TP63: variants seen among roughly 807,000 people sequenced by gnomAD.
The protein encoded by TP63 is tumor protein 63.
A neutral mutation model predicts 82.8 loss-of-function variants in TP63; 17 were observed. That is an observed-to-expected ratio of 0.21 (90% CI 0.14 to 0.31). TP63 has a LOEUF of 0.31. TP63 is among the 10% of genes least tolerant of loss of function. TP63 has a pLI of 1.00. For synonymous variants in TP63, 330 were observed against 321.7 expected, an observed-to-expected ratio of 1.03 and a Z score of -0.28; for missense variants, 648 against 895.3, an observed-to-expected ratio of 0.72 and a Z score of 3.52.
Position 189,631,710 on chromosome 3 carries a change from G to A in TP63, c.62+133G>A. 4 of 1,578,688 alleles carry A rather than the reference G, an allele frequency of 2.5e-6. No homozygotes were observed. In the South Asian group the frequency reaches 4.5e-5, roughly 18 times the overall value. On this transcript the variant is annotated intron_variant, in intron 1 of 13. Transcript: ENST00000264731. Reference sequence around the variant, plus strand: ...ACAGTGATATTATTTTGGACTTTCTGTGGACTTAAAGTGGTCTGTGGACAT... The same window carrying A: ...ACAGTGATATTATTTTGGACTTTCTATGGACTTAAAGTGGTCTGTGGACAT...
chr3:189,697,130 T>A (rs889824390), intron 1 of TP63, among the ~76,000 whole-genome samples: 7 of 151,990 alleles, frequency 4.6e-5, no homozygotes, highest in African/African-American at 1.7e-4. Flanking sequence ...TTTCCCATAT[T>A]TTCTTCCAGA....
chr3:189,721,424 C>T (rs1236187834), intron 1 of TP63, among the ~76,000 whole-genome samples: 2 of 151,398 alleles, frequency 1.3e-5, no homozygotes, highest in African/African-American at 4.9e-5. Flanking sequence ...CCCGTAGTTA[C>T]CTGGCTAGTT....
intron 3 of TP63, among the ~76,000 whole-genome samples, chr3:189,806,129 C>T (rs1054907458): frequency 7.3e-6 from 1 of 136,824 alleles, no homozygotes; most frequent in Non-Finnish European, 1.5e-5. Context: ...TGTTTGCTCA[C>T]TGGCTTTTAA....
chr3:189,736,521 A>G (rs1720606436), intron 1 of TP63, among the ~76,000 whole-genome samples: 2 of 152,076 alleles, frequency 1.3e-5, no homozygotes, highest in Admixed American at 6.6e-5. Flanking sequence ...GTGTTTTCGT[A>G]GTGCTGTCTA....
intron 1 of TP63, among the ~76,000 whole-genome samples, chr3:189,703,008 G>T (rs972795919): frequency 6.6e-6 from 1 of 152,152 alleles, no homozygotes; most frequent in East Asian, 1.9e-4. Context: ...TGCAAGGTAG[G>T]TGCCATTGTC....
intron 1 of TP63, among the ~76,000 whole-genome samples, chr3:189,723,906 C>T (rs960139058): frequency 6.6e-6 from 1 of 152,062 alleles, no homozygotes; most frequent in Non-Finnish European, 1.5e-5. Flanking sequence ...ATAGTGTGCA[C>T]CCTCAGGATT....
chr3:189,879,980 A>G (rs1719725153), intron 10 of TP63: 1 of 1,544,648 alleles, frequency 6.5e-7, no homozygotes, highest in Non-Finnish European at 8.7e-7. Flanking sequence ...TGAAGGTATA[A>G]GGAGTGTGTT....
chr3:189,856,738 C>G (rs1716339476), intron 4 of TP63, among the ~76,000 whole-genome samples: 1 of 151,606 alleles, frequency 6.6e-6, no homozygotes, highest in African/African-American at 2.4e-5. Flanking sequence ...GCATTAGAAA[C>G]AAAAAGAAAT....
chr3:189,808,159 C>A, intron 3 of TP63, 113 bp from the exon 4 acceptor site: 2 of 1,567,904 alleles, frequency 1.3e-6, no homozygotes, highest in Non-Finnish European at 1.8e-6. Context: ...ATGTGAAGTG[C>A]TTCCGACGTG....
At chr3:189,787,079 G>T (rs1323811667) in intron 3 of TP63, among the ~76,000 whole-genome samples, 6 of 152,006 alleles carry the variant, frequency 3.9e-5, no homozygotes, top group Admixed American at 6.6e-5. Context: ...AAATCTACAT[G>T]AACTATTAGC....
At chr3:189,826,831 A>G (rs1325958575) in intron 4 of TP63, among the ~76,000 whole-genome samples, 1 of 152,212 alleles carries the variant, frequency 6.6e-6, no homozygotes, top group Non-Finnish European at 1.5e-5. Context: ...TGAAGGCCCC[A>G]TACTATGAGG....
Position 189,748,491 on chromosome 3 carries a change from C to G in TP63, c.324+9717C>G, listed in dbSNP as rs1351670510. On this transcript the variant is annotated intron_variant, in intron 3 of 13. Coordinates refer to ENST00000264731, the MANE Select transcript of TP63 (RefSeq NM_003722.5). ...AAATTTAACCAAGAAGGCAAAATAT[C>G]TCTACAAGGAAAACTACAAAAAAAA... Among the ~76,000 whole-genome samples the G allele has an allele frequency of 4.7e-5, 3 of 64,038 alleles. No individual in the cohort carries two copies. In the East Asian group the frequency reaches 1.8e-3, roughly 38 times the overall value. The allele number at this position is 64,038 out of a possible 152,430, so 42.0% of individuals were successfully genotyped here.
intron 3 of TP63, among the ~76,000 whole-genome samples, chr3:189,807,891 C>T (rs1209534446): frequency 1.3e-5 from 2 of 152,268 alleles, no homozygotes; most frequent in South Asian, 4.1e-4. Flanking sequence ...TGTAACACGC[C>T]CCAACCCCCA....
rs375046870 is a variant in TP63, at chr3:189,773,832, T to A, written c.325-34440T>A. On this transcript the variant is annotated intron_variant, in intron 3 of 13. Transcript: ENST00000264731. ...ACCCATGCTGTCTCTGGCCTTTCAC[T>A]CCATCATTATAATATGCAAGTGACT... Among the ~76,000 whole-genome samples, 89 of 150,920 alleles carry A rather than the reference T, an allele frequency of 5.9e-4. No homozygotes were observed. In the East Asian group the frequency reaches 0.016, roughly 28 times the overall value.
At chr3:189,768,882 A>G (rs1476217992) in intron 3 of TP63, among the ~76,000 whole-genome samples, 1 of 152,180 alleles carries the variant, frequency 6.6e-6, no homozygotes, top group Non-Finnish European at 1.5e-5. Context: ...GACATTTACA[A>G]GAAGTATAGG....
chr3:189,627,475 T>C (rs1191828394), upstream of TP63, among the ~76,000 whole-genome samples: 2 of 152,198 alleles, frequency 1.3e-5, no homozygotes, highest in Non-Finnish European at 2.9e-5. Context: ...TGTGATATTC[T>C]AGCATTGTAT....
At chr3:189,618,729 A>T in the TP63 span, among the ~76,000 whole-genome samples, 1 of 152,140 alleles carries the variant, frequency 6.6e-6, no homozygotes, top group African/African-American at 2.4e-5. Context: ...GTGAATCTTG[A>T]TGACCTTCGA....
At chr3:189,617,778 A>T in the TP63 span, among the ~76,000 whole-genome samples, 9 of 152,248 alleles carry the variant, frequency 5.9e-5, no homozygotes, top group Non-Finnish European at 1.2e-4. Flanking sequence ...TCCAAAGGCC[A>T]GGACACAATG....
chr3:189,598,698 C>T, the TP63 span, among the ~76,000 whole-genome samples: 2 of 152,206 alleles, frequency 1.3e-5, no homozygotes, highest in African/African-American at 4.8e-5. Context: ...AGGGCTGGGA[C>T]TAAACTAGAA....
Sources: allele counts gnomAD v4.1 joint callset (sites outside exome capture counted in the v4.1 genomes callset), GRCh38; gene constraint gnomAD v4.1.1; transcripts MANE v1.5; gene names NCBI Gene and HGNC (gene_info 2026-07-23, HGNC 2026-07-21).